DRC11: variants seen among roughly 807,000 people sequenced by gnomAD.
DRC11 encodes dynein regulatory complex subunit 11, also known as IQ and AAA domain-containing protein 1.
the DRC11 span, among the ~76,000 whole-genome samples, chr2:236,342,845 C>T: frequency 6.6e-6 from 1 of 152,216 alleles, no homozygotes; most frequent in Admixed American, 6.5e-5. The surrounding 1 kb of genome is among the most constrained non-coding windows in gnomAD (Gnocchi z 5.8). Flanking sequence ...TTGCAGTCCC[C>T]TAGGACTTAT....
the DRC11 span, among the ~76,000 whole-genome samples, chr2:236,415,713 A>G: frequency 0.031 from 4,775 of 152,282 alleles, 106 homozygotes; most frequent in Middle Eastern, 0.058. This position sits in a 1 kb window ranked among gnomAD's most constrained non-coding sequence, Gnocchi z 5.7. Flanking sequence ...AAAACTGTTC[A>G]TCGTTAAGTG....
the DRC11 span, chr2:236,380,479 T>C: frequency 1.0e-6 from 1 of 953,846 alleles, no homozygotes; most frequent in African/African-American, 1.6e-5. This position sits in a 1 kb window ranked among gnomAD's most constrained non-coding sequence, Gnocchi z 4.9. Context: ...GAAGAGGGCG[T>C]GGCATCACAG....
At chr2:236,485,071 G>C in the DRC11 span, among the ~76,000 whole-genome samples, 6 of 152,082 alleles carry the variant, frequency 3.9e-5, no homozygotes. Flanking sequence ...GTTTTATTAA[G>C]GTTTCTTCTC....
chr2:236,417,593 G>T, the DRC11 span, among the ~76,000 whole-genome samples: 1 of 151,600 alleles, frequency 6.6e-6, no homozygotes, highest in Non-Finnish European at 1.5e-5. Flanking sequence ...TAAGTTCTGG[G>T]ATACATGTGC....
At chr2:236,478,942 A>G in the DRC11 span, among the ~76,000 whole-genome samples, 1 of 151,724 alleles carries the variant, frequency 6.6e-6, no homozygotes, top group Non-Finnish European at 1.5e-5. The surrounding 1 kb of genome is among the most constrained non-coding windows in gnomAD (Gnocchi z 5.9). Context: ...GTCCTGCCTC[A>G]GCCTCTCAAG....
At chr2:236,338,995 T>C in the DRC11 span, among the ~76,000 whole-genome samples, 1 of 152,164 alleles carries the variant, frequency 6.6e-6, no homozygotes, top group Admixed American at 6.5e-5. Context: ...GATCTGACCA[T>C]GTTGCCATGG....
At chr2:236,485,466 G>C in the DRC11 span, among the ~76,000 whole-genome samples, 5 of 152,108 alleles carry the variant, frequency 3.3e-5, no homozygotes, top group Non-Finnish European at 5.9e-5. Flanking sequence ...AAGCCAAGTA[G>C]CTCACCAGAA....
the DRC11 span, among the ~76,000 whole-genome samples, chr2:236,502,120 C>T: frequency 6.6e-6 from 1 of 152,140 alleles, no homozygotes; most frequent in Non-Finnish European, 1.5e-5. Flanking sequence ...ACCAGTGACC[C>T]AATGGACCTT....
chr2:236,443,097 T>C, the DRC11 span, among the ~76,000 whole-genome samples: 2 of 152,214 alleles, frequency 1.3e-5, no homozygotes, highest in Non-Finnish European at 2.9e-5. The surrounding 1 kb of genome is among the most constrained non-coding windows in gnomAD (Gnocchi z 4.4). Context: ...TAAAAAGCTA[T>C]GTGTTTCAAG....
At chr2:236,500,827 C>T in the DRC11 span, among the ~76,000 whole-genome samples, 5,114 of 152,156 alleles carry the variant, frequency 0.034, 285 homozygotes, top group African/African-American at 0.12. The surrounding 1 kb of genome is among the most constrained non-coding windows in gnomAD (Gnocchi z 6.3). Flanking sequence ...CTCAGCCTCC[C>T]GAGTAGCTGG....
chr2:236,338,386 GGA>G, the DRC11 span: 1 of 1,571,424 alleles, frequency 6.4e-7, no homozygotes, highest in East Asian at 2.2e-5. Flanking sequence ...GTTCATTCTG[GGA>G]GAGAGAAAAA....
At chr2:236,507,351 C>A in the DRC11 span, 1 of 1,436,120 alleles carries the variant, frequency 7.0e-7, no homozygotes, top group Non-Finnish European at 9.8e-7. Flanking sequence ...GGGGTCAGGG[C>A]ACTACCAGGA....
the DRC11 span, among the ~76,000 whole-genome samples, chr2:236,483,962 C>T: frequency 6.6e-6 from 1 of 152,128 alleles, no homozygotes; most frequent in African/African-American, 2.4e-5. The surrounding 1 kb of genome is among the most constrained non-coding windows in gnomAD (Gnocchi z 4.8). Context: ...GATCATAGAA[C>T]AAAAGGATTT....
the DRC11 span, among the ~76,000 whole-genome samples, chr2:236,472,230 T>C: frequency 1.2e-4 from 19 of 152,186 alleles, 1 homozygote; most frequent in African/African-American, 4.1e-4. The surrounding 1 kb of genome is among the most constrained non-coding windows in gnomAD (Gnocchi z 4.6). Context: ...CACAGTTGTA[T>C]AGGATGCACT....
chr2:236,451,039 T>G, the DRC11 span, among the ~76,000 whole-genome samples: 6 of 152,358 alleles, frequency 3.9e-5, no homozygotes, highest in African/African-American at 4.8e-5. Flanking sequence ...TTTATTCAAG[T>G]CTTTTCTCAT....
At chr2:236,375,988 G>A in the DRC11 span, among the ~76,000 whole-genome samples, 21 of 152,210 alleles carry the variant, frequency 1.4e-4, no homozygotes, top group South Asian at 2.7e-3. This position sits in a 1 kb window ranked among gnomAD's most constrained non-coding sequence, Gnocchi z 4.2. Flanking sequence ...ATCACCCCTT[G>A]GATTGATTGT....
the DRC11 span, among the ~76,000 whole-genome samples, chr2:236,448,926 C>T: frequency 6.6e-6 from 1 of 151,718 alleles, no homozygotes; most frequent in Non-Finnish European, 1.5e-5. The surrounding 1 kb of genome is among the most constrained non-coding windows in gnomAD (Gnocchi z 5.3). Context: ...GTGGTGTGAT[C>T]TCGGCTCACT....
chr2:236,443,185 A>G, the DRC11 span, among the ~76,000 whole-genome samples: 1 of 152,208 alleles, frequency 6.6e-6, no homozygotes, highest in African/African-American at 2.4e-5. The surrounding 1 kb of genome is among the most constrained non-coding windows in gnomAD (Gnocchi z 4.4). Flanking sequence ...AAGGAAAAAT[A>G]ATAATTTTAA....
At chr2:236,498,021 C>T in the DRC11 span, among the ~76,000 whole-genome samples, 2 of 152,166 alleles carry the variant, frequency 1.3e-5, no homozygotes, top group Admixed American at 1.3e-4. Flanking sequence ...TAAATGTCCA[C>T]CAGTAAGAGA....
Sources: gnomAD v4.1 joint callset for allele counts (sites outside exome capture counted in the v4.1 genomes callset) on GRCh38, gnomAD v4.1.1 for gene constraint, Gnocchi (gnomAD v3.1) non-coding constraint, MANE v1.5 for transcripts, NCBI Gene and HGNC (gene_info 2026-07-23, HGNC 2026-07-21) for gene names.